The following HIPK4 variants were observed in gnomAD, a reference collection of about 807,000 sequenced individuals.
HIPK4 encodes the protein homeodomain-interacting protein kinase 4.
HIPK4 carries 26 observed loss-of-function variants against 44.8 expected under a neutral mutation model. The observed-to-expected ratio is 0.58, with a 90% CI of 0.43 to 0.80. The LOEUF is 0.80. Among genes scored for constraint, HIPK4 ranks in the 30% least tolerant of loss-of-function variants. The pLI is 0.00. For missense variants in HIPK4, 729 were observed against 862.6 expected (o/e 0.85, Z 1.94); for synonymous variants, 340 against 355.5 (o/e 0.96, Z 0.49).
rs148038861 is a variant in HIPK4 at position 40,383,793 on chromosome 19, G to A, written c.812C>T (p.Ala271Val). ...WQLKSSADYL[A>V]ETKVRPLERR... ...CAACTTTTCCCTTACCTTCGTCTCG[G>A]CCAGGTAGTCAGCCGAGGACTTGAG... is the stretch of plus-strand genomic sequence containing the variant. Residue 271 changes from alanine (A) to valine (V), a missense_variant, in exon 2 of 4, where the codon GCC (alanine) becomes GTC (valine). This residue lies in a region of HIPK4 where 533 missense variants were observed against 567.5 expected (regional missense o/e 0.94). Transcript: ENST00000291823. The A allele has an allele frequency of 1.2e-6, 2 of 1,606,168 alleles. No homozygotes were observed. Among genetic ancestry groups the A allele is most frequent in the African/African-American group, 1.3e-5 (1 of 74,722 alleles).
Position 40,389,454 on chromosome 19 carries a change from C to A in HIPK4, c.449G>T (p.Cys150Phe). Residue 150 changes from cysteine to phenylalanine, a missense_variant, in exon 1 of 4, where the codon TGC becomes TTC. Cys to Phe is a radical substitution (Grantham distance 205, BLOSUM62 -2). Around this residue, in one of 2 missense-constraint regions of HIPK4, gnomAD observed 196 missense variants for 295.1 expected, o/e 0.66. Transcript: ENST00000291823. This position sits in a 1 kb window ranked among gnomAD's most constrained non-coding sequence, Gnocchi z 4.6. ...CCTACTCACCTTGACCCTGAAGGGG[C>A]AGCGGGTCTGGTCCACCAGCATGAT... ...ENIMLVDQTR[C>F]PFRVKVIDFG... The A allele has an allele frequency of 6.3e-7, 1 of 1,584,404 alleles. No homozygotes were observed. Among genetic ancestry groups the A allele is most frequent in the Non-Finnish European group, 8.6e-7 (1 of 1,161,842 alleles).
rs1201302255 is a variant in HIPK4, at chr19:40,380,072, T to A, written c.1668+251A>T. ...CTCACTATGTTGCCCAGGCTCTTTA[T>A]CAAGCTTCTTATAAGTAGATTACTG... is the stretch of plus-strand genomic sequence containing the variant. On this transcript the variant is annotated intron_variant, in intron 3 of 3. Coordinates refer to ENST00000291823, the MANE Select transcript of HIPK4 (RefSeq NM_144685.5). This position sits in a 1 kb window ranked among gnomAD's most constrained non-coding sequence, Gnocchi z 4.2. Among the ~76,000 whole-genome samples the A allele has an allele frequency of 1.3e-5, 2 of 152,130 alleles. No individual in the cohort carries two copies. Among genetic ancestry groups the A allele is most frequent in the African/African-American group, 4.8e-5 (2 of 41,426 alleles).
In HIPK4 at chr19:40,389,950, G is replaced by A. The variant is rs1335699355; in HGVS notation, c.-48C>T. The A allele has an allele frequency of 4.0e-6, 6 of 1,481,542 alleles. No homozygotes were observed. In the African/African-American group the frequency reaches 6.9e-5, roughly 17 times the overall value. The allele number at this position is 1,481,542 out of a possible 1,614,324, so 91.8% of individuals were successfully genotyped here. On this transcript the variant is annotated 5_prime_UTR_variant, in exon 1 of 4. Transcript: ENST00000291823. This position sits in a 1 kb window ranked among gnomAD's most constrained non-coding sequence, Gnocchi z 4.6. The stretch of plus-strand genomic sequence containing the variant: ...GCCCTGCCCAGGCCCCTGTACCACT[G>A]GCTCTGCCGCCCAGGCCTCCCGCCT...
At chr19:40,387,221 GTC>G (rs966893335) in intron 1 of HIPK4, among the ~76,000 whole-genome samples, 5 of 151,544 alleles carry the variant, frequency 3.3e-5, no homozygotes, top group African/African-American at 9.7e-5. Context: ...GTCTCTCAGT[GTC>G]TCTCTCTCTC....
At position 40,381,784 on chromosome 19, in the gene HIPK4, CTTTTTTTTTTTTT is replaced by C. The variant is rs55780075; in HGVS notation, c.823-629_823-617del. Among the ~76,000 whole-genome samples the C allele has an allele frequency of 6.9e-5, 5 of 72,260 alleles. No individual in the cohort carries two copies. In the East Asian group the frequency reaches 1.2e-3, roughly 17 times the overall value. 47.4% of individuals were successfully genotyped at this position (72,260 alleles called of 152,430 possible). The stretch of plus-strand genomic sequence containing the variant: ...ACTCACCTGAGGTCTCACTCAGATC[CTTTTTTTTTTTTT>C]TTTTTTTTTTTTTTTGTATGTGTGT... On this transcript the variant is annotated intron_variant, in intron 2 of 3. Transcript: ENST00000291823.
rs748876993 is a variant in HIPK4, at chr19:40,384,013, C to T, written c.592G>A (p.Val198Met). Residue 198 changes from valine to methionine, a missense_variant, in exon 2 of 4, where the codon GTG (valine) becomes ATG (methionine). By Grantham distance (21) the Val-to-Met change is conservative. Around this residue, in one of 2 missense-constraint regions of HIPK4, gnomAD observed 196 missense variants for 295.1 expected, o/e 0.66. Coordinates refer to ENST00000291823, the MANE Select transcript of HIPK4 (RefSeq NM_144685.5). ...GCCATGACGCAGCCCAGGGACCACACGTCCACCTTCTCGCAGAAGGGCAGC... is the reference window on the plus strand; with the variant it reads ...GCCATGACGCAGCCCAGGGACCACATGTCCACCTTCTCGCAGAAGGGCAGC... ...LGLPFCEKVD[V>M]WSLGCVMAEL... is the part of the protein sequence containing the mutation. 17 of 1,614,008 alleles carry T rather than the reference C, an allele frequency of 1.1e-5. No homozygotes were observed. The highest frequency in any genetic ancestry group is 1.4e-5 in the Non-Finnish European group (17 of 1,179,976).
Position 40,383,932 on chromosome 19 carries a change from G to A in HIPK4, c.673C>T (p.Arg225Cys), listed in dbSNP as rs752564037. ...AGGCCCTGGGTTTCGCAGATGTAGC[G>A]CACCTGGTCGTACTCGTTGTTGCCG... ...YPGNNEYDQV[R>C]YICETQGLPK... The change falls in exon 2 of 4, where the codon CGC becomes TGC. Residue 225 changes from arginine (R) to cysteine (C), a missense_variant. Arg to Cys is a radical substitution (Grantham distance 180). Coordinates refer to ENST00000291823, the MANE Select transcript of HIPK4 (RefSeq NM_144685.5). 1.5e-5 allele frequency: 25 copies of A among 1,613,982 alleles called. No homozygotes were observed. The highest frequency in any genetic ancestry group is 1.3e-4 in the African/African-American group (10 of 74,898).
At position 40,381,181 on chromosome 19, in the gene HIPK4, G is replaced by A; in HGVS notation, c.823-13C>T. 1 of 1,583,534 alleles carries A rather than the reference G, an allele frequency of 6.3e-7. No homozygotes were observed. The highest frequency in any genetic ancestry group is 1.7e-5 in the Admixed American group (1 of 59,446). On this transcript the variant is annotated splice_polypyrimidine_tract_variant and intron_variant, in intron 2 of 3. Coordinates refer to ENST00000291823, the MANE Select transcript of HIPK4 (RefSeq NM_144685.5). The stretch of plus-strand genomic sequence containing the variant: ...CCAATGGGCGCACCTGGCGGGGCAT[G>A]GAGAAGGGGGCAGGGTTGACCATTG...
chr19:40,383,668 C>A, intron 2 of HIPK4, 115 bp downstream of exon 2: 1 of 806,950 alleles, frequency 1.2e-6, no homozygotes, highest in Non-Finnish European at 2.0e-6. Context: ...GGGATCCTCC[C>A]ACCACAGCCT....
In HIPK4 at chr19:40,380,216, G is replaced by T. The variant is rs2079324879; in HGVS notation, c.1668+107C>A. 3.6e-6 allele frequency: 5 copies of T among 1,380,290 alleles called. No homozygotes were observed. Among genetic ancestry groups the T allele is most frequent in the Non-Finnish European group, 4.9e-6 (5 of 1,019,104 alleles). The allele number at this position is 1,380,290 out of a possible 1,614,324, so 85.5% of individuals were successfully genotyped here. A position where few individuals can be genotyped will look rare whatever the true frequency, so the allele number is the denominator to read the frequency against. ...GTCCCTAATTGTATCCTGAACATGGGTGAGTGTGTGTTGAGCCTCCTCACA... is the reference window on the plus strand; with the variant it reads ...GTCCCTAATTGTATCCTGAACATGGTTGAGTGTGTGTTGAGCCTCCTCACA... On this transcript the variant is annotated intron_variant, in intron 3 of 3. Coordinates refer to ENST00000291823, the MANE Select transcript of HIPK4 (RefSeq NM_144685.5). The surrounding 1 kb of genome is among the most constrained non-coding windows in gnomAD (Gnocchi z 4.2).
chr19:40,379,492 G>C lies in HIPK4; in HGVS notation c.*95C>G, dbSNP rs2079317942. On this transcript the variant is annotated 3_prime_UTR_variant, in exon 4 of 4. Coordinates refer to ENST00000291823, the MANE Select transcript of HIPK4 (RefSeq NM_144685.5). The stretch of plus-strand genomic sequence containing the variant: ...TATCTTTCTGTAAGAATAATTTGTG[G>C]GTTCAGGAGATGGCTCTGAGGAGCA... 9.6e-7 allele frequency: 1 copy of C among 1,037,330 alleles called. No homozygotes were observed. The highest frequency in any genetic ancestry group is 1.3e-6 in the Non-Finnish European group (1 of 745,862). 64.3% of individuals were successfully genotyped at this position (1,037,330 alleles called of 1,614,324 possible). A position where few individuals can be genotyped will look rare whatever the true frequency, so the allele number is the denominator to read the frequency against.
rs757837797 is a variant in HIPK4 at position 40,389,539 on chromosome 19, T to C, written c.364A>G (p.Thr122Ala). The change falls in exon 1 of 4, where the codon ACA (threonine) becomes GCA (alanine). Residue 122 changes from threonine to alanine, a missense_variant. Thr to Ala is a moderately conservative substitution (Grantham distance 58, BLOSUM62 0). Transcript: ENST00000291823. The surrounding 1 kb of genome is among the most constrained non-coding windows in gnomAD (Gnocchi z 4.6). The stretch of plus-strand genomic sequence containing the variant: ...AGCTCCTTGAGCCGGGCCAGGGCTG[T>C]GAGCACCTGCAGGGTGACTGTACGG... ...HIRTVTLQVL[T>A]ALARLKELAI... 1.2e-6 allele frequency: 2 copies of C among 1,613,538 alleles called. No homozygotes were observed. The highest frequency in any genetic ancestry group is 1.7e-6 in the Non-Finnish European group (2 of 1,179,864).
rs754133891 is a variant in HIPK4, at chr19:40,379,727, C to T, written c.1711G>A (p.Glu571Lys). The stretch of plus-strand genomic sequence containing the variant: ...GTGCAGTCTGGCTCACTCAGCCATT[C>T]TCCAGGACAGCTGCTGGGGTCGAAG... Reference protein sequence around the residue: ...ELFDPSSCPGEWLSEPDCTLE... With the variant: ...ELFDPSSCPGKWLSEPDCTLE... The change falls in exon 4 of 4, where the codon GAA becomes AAA. Residue 571 changes from glutamate (E) to lysine (K), a missense_variant. By Grantham distance (56) the Glu-to-Lys change is moderately conservative. Around this residue, in one of 2 missense-constraint regions of HIPK4, gnomAD observed 533 missense variants for 567.5 expected, o/e 0.94. Transcript: ENST00000291823. The T allele has an allele frequency of 4.3e-6, 7 of 1,611,902 alleles. No individual in the cohort carries two copies. Among genetic ancestry groups the T allele is most frequent in the South Asian group, 2.2e-5 (2 of 90,784 alleles).
intron 2 of HIPK4, among the ~76,000 whole-genome samples, chr19:40,382,929 C>T (rs1022962827): frequency 6.6e-6 from 1 of 150,926 alleles, no homozygotes; most frequent in African/African-American, 2.4e-5. Context: ...TGCCTGTAAG[C>T]CCAGCTACTC....
In HIPK4 at chr19:40,385,994, C is replaced by T. The variant is rs200671438; in HGVS notation, c.466-1855G>A. On this transcript the variant is annotated intron_variant, in intron 1 of 3. Transcript: ENST00000291823. ...AAGTGCTAGGACAGGCGTGAGCCAC[C>T]GCACCCAGGTCCACCATTGCTCTTA... Among the ~76,000 whole-genome samples, 8 of 151,666 alleles carry T rather than the reference C, an allele frequency of 5.3e-5. No individual in the cohort carries two copies. The East Asian group carries it at 7.8e-4, about 15-fold the overall frequency.
chr19:40,383,802 T>C lies in HIPK4; in HGVS notation c.803A>G (p.Asp268Gly), dbSNP rs2079349076. ...ANPWQLKSSA[D>G]YLAETKVRPL... Reference sequence around the variant, plus strand: ...CCTTACCTTCGTCTCGGCCAGGTAGTCAGCCGAGGACTTGAGCTGCCAGGG... The same window carrying C: ...CCTTACCTTCGTCTCGGCCAGGTAGCCAGCCGAGGACTTGAGCTGCCAGGG... Residue 268 changes from aspartate (D) to glycine (G), a missense_variant, in exon 2 of 4, where the codon GAC becomes GGC. Transcript: ENST00000291823. 1.2e-6 allele frequency: 2 copies of C among 1,608,894 alleles called. No homozygotes were observed.
At chr19:40,384,194 A>G in intron 1 of HIPK4, 55 bp from the exon 2 acceptor site, 21 of 1,407,962 alleles carry the variant, frequency 1.5e-5, no homozygotes, top group Non-Finnish European at 2.0e-5. Flanking sequence ...GGGACAGCCG[A>G]GCTGGGCCAC....
In HIPK4 at chr19:40,383,711, G is replaced by A. The variant is rs61730201; in HGVS notation, c.822+72C>T. 1.0e-4 allele frequency: 123 copies of A among 1,206,490 alleles called. No individual in the cohort carries two copies. In the African/African-American group the frequency reaches 1.3e-3, roughly 13 times the overall value. The allele number at this position is 1,206,490 out of a possible 1,614,324, so 74.7% of individuals were successfully genotyped here. A position where few individuals can be genotyped will look rare whatever the true frequency, so the allele number is the denominator to read the frequency against. Reference sequence around the variant, plus strand: ...TGCTGGAATTACAGGTGTGAGCCACGTTGCCCACCCTAGAATTTTTTTTCA... The same window carrying A: ...TGCTGGAATTACAGGTGTGAGCCACATTGCCCACCCTAGAATTTTTTTTCA... On this transcript the variant is annotated intron_variant, in intron 2 of 3. Transcript: ENST00000291823.
intron 2 of HIPK4, among the ~76,000 whole-genome samples, chr19:40,382,147 G>T (rs780986714): frequency 7.2e-5 from 11 of 151,798 alleles, no homozygotes; most frequent in Non-Finnish European, 1.0e-4. Context: ...GTGTCGCCCA[G>T]ACTGGGGTGT....
Sources: gnomAD v4.1 joint callset for allele counts (sites outside exome capture counted in the v4.1 genomes callset) on GRCh38, gnomAD v4.1.1 for gene constraint, gnomAD v4.1.1 regional missense constraint, Gnocchi (gnomAD v3.1) non-coding constraint, MANE v1.5 for transcripts, NCBI Gene and HGNC (gene_info 2026-07-23, HGNC 2026-07-21) for gene names.